Variants in ST18 observed in about 807,000 individuals in gnomAD.
ST18 encodes ST18 C2H2C-type zinc finger transcription factor, also known as suppression of tumorigenicity 18 protein.
In ST18, 50 loss-of-function variants were observed where a neutral mutation model predicts 110.0. The ratio of observed to expected loss-of-function variants is 0.45; its 90% confidence interval spans 0.36 to 0.58. The LOEUF is 0.58. Ranked by LOEUF, ST18 falls within the 20% of genes least tolerant of loss-of-function variation. ST18 has a pLI of 0.00. For missense variants in ST18, 1,306 were observed against 1,280.1 expected, an observed-to-expected ratio of 1.02 and a Z score of -0.31; for synonymous variants, 461 against 452.4, an observed-to-expected ratio of 1.02 and a Z score of -0.24.
chr8:52,208,807 G>A (rs1192046898), intron 8 of ST18, among the ~76,000 whole-genome samples: 1 of 151,126 alleles, frequency 6.6e-6, no homozygotes, highest in East Asian at 1.9e-4. Flanking sequence ...GACACAGTGA[G>A]GCTTCGCCAA....
chr8:52,220,670 A>G (rs1438012837), intron 5 of ST18, 71 bp downstream of exon 5: 1 of 152,194 alleles, frequency 6.6e-6, no homozygotes, highest in East Asian at 1.9e-4. Context: ...GAGCTTTCGT[A>G]TAAATTCTTT....
chr8:52,289,922 C>CT (rs113405109), intron 2 of ST18, among the ~76,000 whole-genome samples: 58 of 146,474 alleles, frequency 4.0e-4, no homozygotes, highest in African/African-American at 7.0e-4. Flanking sequence ...CTGATTATAC[C>CT]TTTTTTTTTT....
chr8:52,221,557 T>C (rs1446463933), intron 4 of ST18, 83 bp downstream of exon 4: 3 of 152,188 alleles, frequency 2.0e-5, no homozygotes, highest in Admixed American at 1.3e-4. Context: ...AGGAACCAAT[T>C]TATACAAACA....
intron 2 of ST18, among the ~76,000 whole-genome samples, chr8:52,235,078 T>C (rs2092410572): frequency 1.3e-5 from 2 of 151,918 alleles, no homozygotes; most frequent in East Asian, 1.9e-4. Context: ...TTTACTTGTG[T>C]AACCAAATAC....
chr8:52,369,050 A>T (rs1192176956), intron 2 of ST18, among the ~76,000 whole-genome samples: 5 of 152,158 alleles, frequency 3.3e-5, no homozygotes, highest in African/African-American at 1.2e-4. Flanking sequence ...CACGTTTGCT[A>T]AAAAAAGGAA....
intron 2 of ST18, among the ~76,000 whole-genome samples, chr8:52,383,067 AC>A (rs1835187203): frequency 6.6e-6 from 1 of 151,782 alleles, no homozygotes. Context: ...CTTCTCTACT[AC>A]TTTTCCTCGC....
intron 16 of ST18, among the ~76,000 whole-genome samples, chr8:52,146,593 C>T (rs2057363009): frequency 6.6e-6 from 1 of 152,088 alleles, no homozygotes; most frequent in African/African-American, 2.4e-5. Context: ...TCCTGCTTTT[C>T]AAGATTGTTG....
In ST18 at chr8:52,369,240, C is replaced by A. The variant is rs10113051; in HGVS notation, c.-465+40088G>T. Among the ~76,000 whole-genome samples, 3 of 152,154 alleles carry A rather than the reference C, an allele frequency of 2.0e-5. No homozygotes were observed. In the South Asian group the frequency reaches 6.2e-4, roughly 32 times the overall value. On this transcript the variant is annotated intron_variant, in intron 2 of 25. Coordinates refer to ENST00000689386, the MANE Select transcript of ST18 (RefSeq NM_001352837.2). Reference sequence around the variant, plus strand: ...TGTAATAAGGCCCCTAAATTTTAACCAGGCAAATGGTCTCCCAGACTAAAC... The same window carrying A: ...TGTAATAAGGCCCCTAAATTTTAACAAGGCAAATGGTCTCCCAGACTAAAC...
intron 15 of ST18, among the ~76,000 whole-genome samples, chr8:52,153,931 T>C (rs150422386): frequency 4.5e-4 from 68 of 152,370 alleles, no homozygotes; most frequent in Middle Eastern, 3.4e-3. Flanking sequence ...ACCTGGCACA[T>C]AATACGTCTT....
chr8:52,291,886 C>T (rs1016864873), intron 2 of ST18, among the ~76,000 whole-genome samples: 9 of 152,086 alleles, frequency 5.9e-5, no homozygotes, highest in Admixed American at 2.0e-4. Flanking sequence ...GTGATCCTCC[C>T]GCCCCAGTCT....
chr8:52,285,890 G>C (rs936706050), intron 2 of ST18, among the ~76,000 whole-genome samples: 2 of 152,230 alleles, frequency 1.3e-5, no homozygotes, highest in East Asian at 1.9e-4. Context: ...ACTTCTCCTG[G>C]AGCCAGCACA....
intron 2 of ST18, among the ~76,000 whole-genome samples, chr8:52,369,964 C>T (rs1829646078): frequency 6.6e-6 from 1 of 152,140 alleles, no homozygotes; most frequent in African/African-American, 2.4e-5. Context: ...GCAGTATTTG[C>T]CAAAGAATGT....
intron 2 of ST18, among the ~76,000 whole-genome samples, chr8:52,297,143 G>A (rs549071107): frequency 5.9e-5 from 9 of 152,330 alleles, no homozygotes; most frequent in Middle Eastern, 3.4e-3. Context: ...GGGACCAGCC[G>A]CAGCCCTGCA....
chr8:52,226,719 G>C (rs960584486), intron 3 of ST18, among the ~76,000 whole-genome samples: 3 of 152,140 alleles, frequency 2.0e-5, no homozygotes, highest in African/African-American at 7.2e-5. Flanking sequence ...GCTATTTTCA[G>C]TAAATCTATA....
At chr8:52,371,766 C>A (rs141199853) in intron 2 of ST18, among the ~76,000 whole-genome samples, 1 of 152,152 alleles carries the variant, frequency 6.6e-6, no homozygotes, top group Non-Finnish European at 1.5e-5. Flanking sequence ...AAACTCCCAT[C>A]GCCTAGTGAT....
chr8:52,183,634 T>C (rs1253269070), intron 8 of ST18, among the ~76,000 whole-genome samples: 3 of 152,176 alleles, frequency 2.0e-5, no homozygotes, highest in African/African-American at 7.2e-5. Flanking sequence ...ATCACAGGTT[T>C]TGTGGATAAA....
At chr8:52,343,083 G>A (rs1190347067) in intron 2 of ST18, among the ~76,000 whole-genome samples, 5 of 152,106 alleles carry the variant, frequency 3.3e-5, no homozygotes, top group Admixed American at 3.3e-4. Flanking sequence ...GCAAGCAGGT[G>A]CAGCGTTTGT....
chr8:52,271,291 T>A (rs1023178049), intron 2 of ST18, among the ~76,000 whole-genome samples: 9 of 152,250 alleles, frequency 5.9e-5, no homozygotes, highest in African/African-American at 1.9e-4. Flanking sequence ...CAGATTGCAT[T>A]CCACTACAGT....
chr8:52,216,120 AAC>A (rs947214623), intron 6 of ST18, among the ~76,000 whole-genome samples: 39 of 152,242 alleles, frequency 2.6e-4, no homozygotes, highest in African/African-American at 9.2e-4. Context: ...GCAAAACTGA[AAC>A]ACAACCTGCA....
Sources: gnomAD v4.1 joint callset for allele counts (sites outside exome capture counted in the v4.1 genomes callset) on GRCh38, gnomAD v4.1.1 for gene constraint, MANE v1.5 for transcripts, NCBI Gene and HGNC (gene_info 2026-07-23, HGNC 2026-07-21) for gene names.